The following VMP1 variants were observed in gnomAD, a reference collection of about 807,000 sequenced individuals.
VMP1 encodes ectopic P-granules autophagy protein 3 homolog.
In VMP1, 11 loss-of-function variants were observed where a neutral mutation model predicts 56.0. The observed-to-expected ratio is 0.20, with a 90% CI of 0.12 to 0.32. The LOEUF (loss-of-function observed/expected upper bound fraction) is 0.32. VMP1 is among the 10% of genes least tolerant of loss of function. The probability of loss-of-function intolerance (pLI) is 1.00; values close to 1 mark genes in which losing one functional copy is unlikely to be tolerated. For synonymous variants in VMP1, 149 were observed against 165.0 expected, an observed-to-expected ratio of 0.90 and a Z score of 0.74; for missense variants, 296 against 490.3, an observed-to-expected ratio of 0.60 and a Z score of 3.74.
intron 8 of VMP1, among the ~76,000 whole-genome samples, chr17:59,810,536 A>G (rs1270105178): frequency 6.6e-6 from 1 of 152,240 alleles, no homozygotes; most frequent in Admixed American, 6.5e-5. Context: ...GTTATAACTC[A>G]TAGAATTATG....
chr17:59,796,021 TTG>T (rs920289812), intron 7 of VMP1, among the ~76,000 whole-genome samples: 15 of 152,334 alleles, frequency 9.8e-5, no homozygotes, highest in African/African-American at 3.1e-4. Context: ...GGTGTTTGTA[TTG>T]TTTCTCTCTA....
intron 10 of VMP1, among the ~76,000 whole-genome samples, chr17:59,822,563 G>T (rs2038492568): frequency 6.6e-6 from 1 of 151,938 alleles, no homozygotes; most frequent in Non-Finnish European, 1.5e-5. Context: ...GACCTCAAGT[G>T]ATCCACCTGC....
chr17:59,714,046 GAAA>G (rs771155795), intron 1 of VMP1, among the ~76,000 whole-genome samples: 13 of 61,776 alleles, frequency 2.1e-4, no homozygotes, highest in Non-Finnish European at 2.8e-4. Context: ...GTCTTAAAAG[GAAA>G]AAAAAAAAAA....
chr17:59,832,572 TATTTG>T (rs1476529477), intron 10 of VMP1, among the ~76,000 whole-genome samples: 7 of 114,418 alleles, frequency 6.1e-5, no homozygotes, highest in African/African-American at 2.2e-4. Flanking sequence ...AAATTGTAGT[TATTTG>T]TTTTGTTTTG....
At chr17:59,834,744 C>T (rs2038926194) in intron 10 of VMP1, among the ~76,000 whole-genome samples, 1 of 152,068 alleles carries the variant, frequency 6.6e-6, no homozygotes, top group African/African-American at 2.4e-5. Context: ...CCCATCTCAG[C>T]CTCTTGAGTA....
intron 6 of VMP1, among the ~76,000 whole-genome samples, chr17:59,769,899 AATG>A (rs1464763701): frequency 2.6e-5 from 4 of 152,160 alleles, no homozygotes; most frequent in Non-Finnish European, 4.4e-5. Flanking sequence ...AGGATTATGA[AATG>A]ATGAGACTTC....
chr17:59,800,154 T>C (rs1309148353), intron 7 of VMP1, among the ~76,000 whole-genome samples: 3 of 152,186 alleles, frequency 2.0e-5, no homozygotes, highest in Non-Finnish European at 2.9e-5. Context: ...CTTTTTACTT[T>C]GTGTTCAAGA....
chr17:59,735,423 G>C lies in VMP1; in HGVS notation c.162G>C (p.Leu54Phe), dbSNP rs370585624. The C allele has an allele frequency of 1.8e-5, 29 of 1,614,098 alleles. No individual in the cohort carries two copies. The African/African-American group carries it at 2.8e-4, about 16-fold the overall frequency. Residue 54 changes from leucine (L) to phenylalanine (F), a missense_variant, in exon 3 of 12, where the codon TTG becomes TTC. By Grantham distance (22) the Leu-to-Phe change is conservative (BLOSUM62 0). Around this residue, in one of 4 missense-constraint regions of VMP1, gnomAD observed 69 missense variants for 76.6 expected, o/e 0.90. Transcript: ENST00000262291. ...IVLWRQPLIT[L>F]QYFSLEILVI... ...TGTGGAGACAGCCGCTCATTACCTT[G>C]CAGTATTTTTCTCTGGAAATCCTTG...
At chr17:59,760,940 T>C (rs964450935) in intron 5 of VMP1, among the ~76,000 whole-genome samples, 1 of 149,342 alleles carries the variant, frequency 6.7e-6, no homozygotes, top group Non-Finnish European at 1.5e-5. Context: ...TTTTCTTTTC[T>C]TTTTTGTGCT....
chr17:59,750,280 C>CA (rs2035588578), intron 5 of VMP1, among the ~76,000 whole-genome samples: 2 of 149,872 alleles, frequency 1.3e-5, no homozygotes, highest in South Asian at 4.2e-4. Context: ...TAAATTTAGA[C>CA]AAAAAATAGG....
rs191591022 is a variant in VMP1, at chr17:59,804,737, G to A, written c.715-4059G>A. On this transcript the variant is annotated intron_variant, in intron 7 of 11. Transcript: ENST00000262291. ...TTTACTATTTTAAAATACCAATGCA[G>A]TGCTTTCCTGGTTTTGTTTTCATTA... Among the ~76,000 whole-genome samples, 228 of 151,244 alleles carry A rather than the reference G, an allele frequency of 1.5e-3. 1 individual carries two copies. The highest frequency in any genetic ancestry group is 2.4e-3 in the Admixed American group (36 of 15,150).
intron 8 of VMP1, among the ~76,000 whole-genome samples, chr17:59,811,414 A>G (rs1009552100): frequency 6.6e-6 from 1 of 152,194 alleles, no homozygotes; most frequent in African/African-American, 2.4e-5. Context: ...TGCCTTAGCC[A>G]TGAGTAATAT....
At chr17:59,801,148 G>GTGTGTA (rs1439842519) in intron 7 of VMP1, among the ~76,000 whole-genome samples, 1,585 of 136,312 alleles carry the variant, frequency 0.012, 29 homozygotes, top group Middle Eastern at 0.066. Context: ...GTGTGTGTGT[G>GTGTGTA]TATGGCACAT....
rs543765262 is a variant in VMP1 at position 59,730,195 on chromosome 17, C to T, written c.-26-1226C>T. On this transcript the variant is annotated intron_variant, in intron 1 of 11. Coordinates refer to ENST00000262291, the MANE Select transcript of VMP1 (RefSeq NM_030938.5). ...TTTATTACTGAGTTGTAAGAGTTTG[C>T]AGGCCCGATACACGCTTCTTATGAA... 2.0e-4 allele frequency among the ~76,000 whole-genome samples: 31 copies of T among 152,200 alleles called. 2 individuals carry two copies. Among genetic ancestry groups the T allele is most frequent in the African/African-American group, 7.5e-4 (31 of 41,536 alleles).
intron 1 of VMP1, among the ~76,000 whole-genome samples, chr17:59,728,477 C>T (rs942654537): frequency 5.3e-5 from 8 of 151,978 alleles, no homozygotes; most frequent in Admixed American, 1.3e-4. Context: ...TCACTGAATC[C>T]GCTCATAAAA....
chr17:59,741,780 C>A (rs993770275), intron 5 of VMP1, among the ~76,000 whole-genome samples: 2 of 152,132 alleles, frequency 1.3e-5, no homozygotes, highest in African/African-American at 4.8e-5. Flanking sequence ...ACTAGTTTAG[C>A]AAAAACTCTG....
At chr17:59,830,507 A>G (rs2038774405) in intron 10 of VMP1, among the ~76,000 whole-genome samples, 1 of 152,224 alleles carries the variant, frequency 6.6e-6, no homozygotes, top group Non-Finnish European at 1.5e-5. Context: ...AACCCAGCAC[A>G]AACAATGAAA....
intron 1 of VMP1, chr17:59,729,983 CTAT>C (rs2143795544): frequency 6.6e-6 from 1 of 152,254 alleles, no homozygotes; most frequent in African/African-American, 2.4e-5. Context: ...TGCGCCTGGT[CTAT>C]TATCTGTCTT....
intron 7 of VMP1, among the ~76,000 whole-genome samples, chr17:59,774,898 A>T (rs1460631129): frequency 6.6e-6 from 1 of 151,918 alleles, no homozygotes; most frequent in Non-Finnish European, 1.5e-5. Flanking sequence ...TAGGAGTTTG[A>T]GATCAGCCTG....
Sources: gnomAD v4.1 joint callset for allele counts (sites outside exome capture counted in the v4.1 genomes callset) on GRCh38, gnomAD v4.1.1 for gene constraint, gnomAD v4.1.1 regional missense constraint, MANE v1.5 for transcripts, NCBI Gene and HGNC (gene_info 2026-07-23, HGNC 2026-07-21) for gene names.